The following SERGEF variants were observed in gnomAD, a reference collection of about 807,000 sequenced individuals.
SERGEF encodes the protein secretion-regulating guanine nucleotide exchange factor.
SERGEF carries 51 observed loss-of-function variants against 50.0 expected under a neutral mutation model. That is an observed-to-expected ratio of 1.02 (90% CI 0.81 to 1.29). The LOEUF (loss-of-function observed/expected upper bound fraction) is 1.29. SERGEF is among the 50% of genes most tolerant of loss of function. The pLI is 0.00. For missense variants in SERGEF, 521 were observed against 557.0 expected (o/e 0.94, Z 0.65); for synonymous variants, 205 against 212.4 (o/e 0.97, Z 0.30).
chr11:17,918,458 C>T (rs1297501184), intron 9 of SERGEF, among the ~76,000 whole-genome samples: 1 of 152,142 alleles, frequency 6.6e-6, no homozygotes, highest in Non-Finnish European at 1.5e-5. Context: ...AAAGCACCTC[C>T]AAGGCAAATC....
intron 9 of SERGEF, among the ~76,000 whole-genome samples, chr11:17,944,005 G>A (rs1852607974): frequency 6.6e-6 from 1 of 152,124 alleles, no homozygotes. Context: ...TCAGCTCACT[G>A]CAACCTCCAC....
chr11:17,930,700 T>C (rs577158826), intron 9 of SERGEF, among the ~76,000 whole-genome samples: 7 of 152,302 alleles, frequency 4.6e-5, no homozygotes, highest in African/African-American at 1.7e-4. Flanking sequence ...GGACTACACC[T>C]AGAATCAGAT....
Position 17,945,928 on chromosome 11 carries a change from A to C in SERGEF, c.1011+13542T>G, listed in dbSNP as rs1195941961. ...AGGAGGCAGAGGTTGCAGTGAGCCGAGATCACACCACTGCACTCCAGCCTG... is the reference window on the plus strand; with the variant it reads ...AGGAGGCAGAGGTTGCAGTGAGCCGCGATCACACCACTGCACTCCAGCCTG... On this transcript the variant is annotated intron_variant, in intron 9 of 10. Coordinates refer to ENST00000265965, the MANE Select transcript of SERGEF (RefSeq NM_012139.4). Among the ~76,000 whole-genome samples the C allele has an allele frequency of 2.0e-5, 3 of 151,956 alleles. No homozygotes were observed. The East Asian group carries it at 5.8e-4, about 29-fold the overall frequency.
chr11:18,005,115 C>G (rs995112604), intron 3 of SERGEF, among the ~76,000 whole-genome samples: 2 of 152,194 alleles, frequency 1.3e-5, no homozygotes, highest in African/African-American at 4.8e-5. Context: ...TAGCCTTTAC[C>G]AGTGAAAAGC....
chr11:17,943,624 C>T (rs1298562908), intron 9 of SERGEF, among the ~76,000 whole-genome samples: 2 of 151,424 alleles, frequency 1.3e-5, no homozygotes, highest in Non-Finnish European at 2.9e-5. Flanking sequence ...ACTCTTTTTC[C>T]AACTTCTAAA....
intron 8 of SERGEF, among the ~76,000 whole-genome samples, chr11:17,964,511 AG>A (rs1447701204): frequency 6.6e-6 from 1 of 152,214 alleles, no homozygotes; most frequent in East Asian, 1.9e-4. Context: ...TTTTCTTGAC[AG>A]TATCTGTCCA....
chr11:17,972,553 T>C (rs886347900), intron 8 of SERGEF, among the ~76,000 whole-genome samples: 8 of 152,384 alleles, frequency 5.2e-5, no homozygotes, highest in African/African-American at 1.4e-4. Context: ...GATAATGCTA[T>C]TGTGCATTTA....
At chr11:17,924,985 C>T (rs574016535) in intron 9 of SERGEF, among the ~76,000 whole-genome samples, 51 of 152,272 alleles carry the variant, frequency 3.3e-4, no homozygotes, top group African/African-American at 1.1e-3. Context: ...CCTGGGATCC[C>T]GGCCAGCAAT....
intron 10 of SERGEF, among the ~76,000 whole-genome samples, chr11:17,830,649 GGAGAGAGAGAGAGAGAGA>G (rs55967425): frequency 1.3e-5 from 1 of 77,724 alleles, no homozygotes; most frequent in African/African-American, 5.8e-5. Context: ...GGAGAGGGAG[GGAGAGAGAGAGAGAGAGA>G]GAGAGAGAGA....
At chr11:17,993,103 A>C in intron 6 of SERGEF, 110 bp from the exon 7 acceptor site, 1 of 821,950 alleles carries the variant, frequency 1.2e-6, no homozygotes, top group East Asian at 2.7e-5. Context: ...CAGCCAGTGC[A>C]GGCAGGCCTG....
chr11:17,968,709 T>TTA (rs1853184415), intron 8 of SERGEF, among the ~76,000 whole-genome samples: 1 of 143,658 alleles, frequency 7.0e-6, no homozygotes, highest in Non-Finnish European at 1.5e-5. Context: ...GTCTCTAATT[T>TTA]AAAAAAAAAA....
At chr11:17,970,802 G>A (rs1305204511) in intron 8 of SERGEF, among the ~76,000 whole-genome samples, 1 of 152,156 alleles carries the variant, frequency 6.6e-6, no homozygotes, top group Non-Finnish European at 1.5e-5. Flanking sequence ...ACCAGAGCAA[G>A]GCCTTAACTC....
rs562315300 is a variant in SERGEF at position 17,992,146 on chromosome 11, T to C, written c.685+785A>G. On this transcript the variant is annotated intron_variant, in intron 7 of 10. Coordinates refer to ENST00000265965, the MANE Select transcript of SERGEF (RefSeq NM_012139.4). The stretch of plus-strand genomic sequence containing the variant: ...GAATGCGCAGCCAAAGAGAGAGATA[T>C]AGTGTAGGATAAAAAAACAGTTAAG... 2.0e-5 allele frequency among the ~76,000 whole-genome samples: 3 copies of C among 152,086 alleles called. No individual in the cohort carries two copies. The South Asian group carries it at 6.2e-4, about 32-fold the overall frequency.
At chr11:17,964,262 G>A (rs958037984) in intron 8 of SERGEF, among the ~76,000 whole-genome samples, 3 of 152,004 alleles carry the variant, frequency 2.0e-5, no homozygotes, top group Admixed American at 6.6e-5. Flanking sequence ...AAGACTACTA[G>A]ATGCAAACCA....
chr11:17,920,211 C>G (rs1852128073), intron 9 of SERGEF, among the ~76,000 whole-genome samples: 1 of 152,194 alleles, frequency 6.6e-6, no homozygotes, highest in Non-Finnish European at 1.5e-5. Flanking sequence ...TGCGCCACTG[C>G]ACTCCAGCCT....
intron 9 of SERGEF, among the ~76,000 whole-genome samples, chr11:17,953,132 G>A (rs1277414466): frequency 7.5e-6 from 1 of 134,028 alleles, no homozygotes; most frequent in East Asian, 2.4e-4. Flanking sequence ...AGAAAGAAAG[G>A]GTCACCAAGA....
chr11:17,882,441 A>T (rs2133902133), intron 9 of SERGEF, among the ~76,000 whole-genome samples: 1 of 152,026 alleles, frequency 6.6e-6, no homozygotes, highest in Admixed American at 6.5e-5. Flanking sequence ...AAAAAAGAAA[A>T]AAAAAGACTG....
chr11:17,821,029 G>A (rs1269488187), intron 10 of SERGEF, among the ~76,000 whole-genome samples: 1 of 152,196 alleles, frequency 6.6e-6, no homozygotes, highest in Non-Finnish European at 1.5e-5. Flanking sequence ...ATAAGAGAAA[G>A]AAGAAAAGAT....
chr11:17,925,855 G>A (rs1341525475), intron 9 of SERGEF, among the ~76,000 whole-genome samples: 2 of 152,194 alleles, frequency 1.3e-5, no homozygotes, highest in African/African-American at 2.4e-5. Flanking sequence ...AGTGTCAGCT[G>A]TACCATTTAC....
Sources: allele counts gnomAD v4.1 joint callset (sites outside exome capture counted in the v4.1 genomes callset), GRCh38; gene constraint gnomAD v4.1.1; transcripts MANE v1.5; gene names NCBI Gene and HGNC (gene_info 2026-07-23, HGNC 2026-07-21).